The following LRRC4C variants were observed in gnomAD, a reference collection of about 807,000 sequenced individuals.
LRRC4C encodes leucine rich repeat containing 4C, also known as leucine-rich repeat-containing protein 4C.
LRRC4C carries 5 observed loss-of-function variants against 33.6 expected under a neutral mutation model. The observed-to-expected ratio is 0.15, with a 90% CI of 0.08 to 0.31. The LOEUF is 0.31. LRRC4C is among the 10% of genes least tolerant of loss of function. LRRC4C has a pLI of 1.00. For missense variants in LRRC4C, 560 were observed against 796.7 expected (o/e 0.70, Z 3.58); for synonymous variants, 329 against 302.0 (o/e 1.09, Z -0.93).
chr11:41,420,284 A>G (rs1954830119), intron 1 of LRRC4C, among the ~76,000 whole-genome samples: 4 of 151,964 alleles, frequency 2.6e-5, no homozygotes, highest in Admixed American at 1.3e-4. Flanking sequence ...AATAGAGGAA[A>G]AGCAGTTCAC....
intron 1 of LRRC4C, among the ~76,000 whole-genome samples, chr11:41,245,359 A>G (rs1251367328): frequency 6.6e-6 from 1 of 152,178 alleles, no homozygotes; most frequent in African/African-American, 2.4e-5. Flanking sequence ...AGCACGAAAC[A>G]GCGAGGGGTG....
intron 2 of LRRC4C, among the ~76,000 whole-genome samples, chr11:40,777,510 T>A (rs575099518): frequency 4.6e-5 from 7 of 151,454 alleles, no homozygotes; most frequent in African/African-American, 1.7e-4. Context: ...TTTTTTTTTT[T>A]TTTTTTTGTT....
intron 1 of LRRC4C, among the ~76,000 whole-genome samples, chr11:41,121,814 T>C (rs954789314): frequency 1.3e-5 from 2 of 152,110 alleles, no homozygotes; most frequent in South Asian, 4.1e-4. Context: ...ATTGTCAGCT[T>C]GGATAAAGGA....
chr11:40,680,097 A>G (rs1346234680), intron 2 of LRRC4C, among the ~76,000 whole-genome samples: 1 of 152,136 alleles, frequency 6.6e-6, no homozygotes, highest in Non-Finnish European at 1.5e-5. Flanking sequence ...ATCAAAGGAG[A>G]TCATTTTACA....
chr11:40,518,689 T>C (rs1955674711), intron 3 of LRRC4C, among the ~76,000 whole-genome samples: 1 of 152,212 alleles, frequency 6.6e-6, no homozygotes. Flanking sequence ...GAAGACAGTG[T>C]GGCGATTCCT....
chr11:40,602,193 CAA>C (rs375091552), intron 3 of LRRC4C, among the ~76,000 whole-genome samples: 2 of 93,830 alleles, frequency 2.1e-5, no homozygotes, highest in African/African-American at 5.0e-5. Flanking sequence ...GAATCTGTCT[CAA>C]AAAAAAAAAA....
intron 1 of LRRC4C, among the ~76,000 whole-genome samples, chr11:41,389,580 C>A (rs925094174): frequency 7.7e-6 from 1 of 129,922 alleles, no homozygotes; most frequent in African/African-American, 2.9e-5. Context: ...GATATACTTT[C>A]CTTATTTCTC....
chr11:40,992,898 C>A (rs1337010903), intron 1 of LRRC4C, among the ~76,000 whole-genome samples: 1 of 152,088 alleles, frequency 6.6e-6, no homozygotes, highest in African/African-American at 2.4e-5. Context: ...CCAGTACAGA[C>A]AAGAACTTTA....
intron 5 of LRRC4C, among the ~76,000 whole-genome samples, chr11:40,187,579 A>G (rs1861505757): frequency 6.6e-6 from 1 of 152,094 alleles, no homozygotes; most frequent in Non-Finnish European, 1.5e-5. Context: ...CACCACTGAG[A>G]AAGACCCTGA....
intron 5 of LRRC4C, among the ~76,000 whole-genome samples, chr11:40,183,535 G>A (rs1026301874): frequency 2.0e-5 from 3 of 152,122 alleles, no homozygotes; most frequent in Admixed American, 6.5e-5. Flanking sequence ...CCACTGTTCC[G>A]GTGTGTTCTT....
intron 1 of LRRC4C, among the ~76,000 whole-genome samples, chr11:40,969,543 C>T (rs1565254601): frequency 2.6e-5 from 4 of 151,450 alleles, no homozygotes; most frequent in Admixed American, 2.6e-4. Context: ...TAAAAAATTA[C>T]CTTAGCCACC....
intron 1 of LRRC4C, among the ~76,000 whole-genome samples, chr11:41,310,621 A>C (rs1026536680): frequency 6.6e-6 from 1 of 152,236 alleles, no homozygotes; most frequent in Non-Finnish European, 1.5e-5. Flanking sequence ...CTTAACAAGT[A>C]ATCAAGTGTT....
At chr11:41,360,752 A>T (rs1181881154) in intron 1 of LRRC4C, among the ~76,000 whole-genome samples, 2 of 152,226 alleles carry the variant, frequency 1.3e-5, no homozygotes, top group African/African-American at 4.8e-5. Context: ...TGAAGCATAG[A>T]AAGGGAGTTA....
At chr11:40,123,298 G>A (rs1417986501) in intron 6 of LRRC4C, among the ~76,000 whole-genome samples, 1 of 152,006 alleles carries the variant, frequency 6.6e-6, no homozygotes, top group Non-Finnish European at 1.5e-5. Flanking sequence ...AAAAGAAGAG[G>A]TCAAATTATC....
chr11:40,525,390 G>A lies in LRRC4C; in HGVS notation c.-270+122752C>T, dbSNP rs1371108391. On this transcript the variant is annotated intron_variant, in intron 3 of 6. Coordinates refer to ENST00000528697, the MANE Select transcript of LRRC4C (RefSeq NM_001258419.2). ...GAACCCAGGAGGCAGAGGTTGCAGT[G>A]AGCCAAGATTGCACCACTGCACTCC... 3.9e-5 allele frequency among the ~76,000 whole-genome samples: 6 copies of A among 152,096 alleles called. No individual in the cohort carries two copies. In the East Asian group the frequency reaches 1.2e-3, roughly 29 times the overall value.
chr11:40,850,135 T>G (rs1953408658), intron 2 of LRRC4C, among the ~76,000 whole-genome samples: 1 of 152,042 alleles, frequency 6.6e-6, no homozygotes, highest in Non-Finnish European at 1.5e-5. Flanking sequence ...TTTCTGTCAA[T>G]TCATCAAACT....
intron 1 of LRRC4C, among the ~76,000 whole-genome samples, chr11:41,003,702 A>G (rs1176304009): frequency 6.6e-6 from 1 of 151,832 alleles, no homozygotes; most frequent in Non-Finnish European, 1.5e-5. Flanking sequence ...AGACATCATG[A>G]GGTCATCTGG....
chr11:41,220,242 C>A (rs1034720403), intron 1 of LRRC4C, among the ~76,000 whole-genome samples: 3 of 151,882 alleles, frequency 2.0e-5, no homozygotes, highest in African/African-American at 7.3e-5. Context: ...GATTGTTATA[C>A]CAAAGTGAAA....
At chr11:41,140,327 G>C (rs1241021994) in intron 1 of LRRC4C, among the ~76,000 whole-genome samples, 1 of 141,314 alleles carries the variant, frequency 7.1e-6, no homozygotes, top group East Asian at 2.0e-4. Context: ...AAAGATTCAA[G>C]GGTGCCTCTT....
Sources: gnomAD v4.1 joint callset for allele counts (sites outside exome capture counted in the v4.1 genomes callset) on GRCh38, gnomAD v4.1.1 for gene constraint, MANE v1.5 for transcripts, NCBI Gene and HGNC (gene_info 2026-07-23, HGNC 2026-07-21) for gene names.